The following CDH23 variants were observed in gnomAD, a reference collection of about 807,000 sequenced individuals.
CDH23 encodes cadherin related 23, also known as cadherin-23.
A neutral mutation model predicts 317.1 loss-of-function variants in CDH23; 189 were observed. That is an observed-to-expected ratio of 0.60 (90% CI 0.53 to 0.67). CDH23 has a LOEUF of 0.67. Ranked by LOEUF, CDH23 falls within the 30% of genes least tolerant of loss-of-function variation. The pLI, the probability that CDH23 is intolerant of heterozygous loss-of-function variation, is 0.00. For missense variants in CDH23, 4,401 were observed against 4,592.4 expected (o/e 0.96, Z 1.20); for synonymous variants, 1,839 against 1,876.8 (o/e 0.98, Z 0.52).
At chr10:71,444,580 A>G (rs1373247349) in intron 2 of CDH23, among the ~76,000 whole-genome samples, 1 of 152,202 alleles carries the variant, frequency 6.6e-6, no homozygotes, top group African/African-American at 2.4e-5. Context: ...CCTGGCCAGT[A>G]AGTGAGAGAG....
intron 3 of CDH23, among the ~76,000 whole-genome samples, chr10:71,481,903 G>A (rs1852087243): frequency 6.6e-6 from 1 of 152,186 alleles, no homozygotes; most frequent in Non-Finnish European, 1.5e-5. Flanking sequence ...CCACAGCAGC[G>A]GGCTTGTGTG....
At chr10:71,583,417 A>G (rs1394291294) in intron 9 of CDH23, among the ~76,000 whole-genome samples, 2 of 152,040 alleles carry the variant, frequency 1.3e-5, no homozygotes, top group Non-Finnish European at 2.9e-5. Context: ...TGGGAAGCCC[A>G]CTGTGGTCAA....
At chr10:71,729,213 G>T (rs982734977) in intron 30 of CDH23, among the ~76,000 whole-genome samples, 1 of 152,216 alleles carries the variant, frequency 6.6e-6, no homozygotes, top group Non-Finnish European at 1.5e-5. Context: ...GTGCTGGTAA[G>T]CGGTGAGGAA....
intron 6 of CDH23, among the ~76,000 whole-genome samples, chr10:71,536,749 A>G (rs114700459): frequency 0.04 from 6,094 of 152,176 alleles, 393 homozygotes; most frequent in African/African-American, 0.14. Flanking sequence ...TGATGGGGAA[A>G]GGTCTTCAGG....
rs746323558 is a variant in CDH23, at chr10:71,784,924, G to C, written c.5536G>C (p.Asp1846His). The change falls in exon 43 of 70, where the codon GAC becomes CAC. Residue 1846 changes from aspartate (D) to histidine (H), a missense_variant. Physicochemically the swap from Asp to His is moderately conservative, Grantham distance 81 (BLOSUM62 -1). Around this residue, in one of 3 missense-constraint regions of CDH23, gnomAD observed 3,068 missense variants for 3,203.3 expected, o/e 0.96. Transcript: ENST00000224721. ...GGGGATCCGGGTGCTGGACATCAAC[G>C]ACAACGACCCTGTGCTGCTGAACCT... ...LVGIRVLDIN[D>H]NDPVLLNLPM... is the part of the protein sequence containing the mutation. The C allele has an allele frequency of 6.2e-7, 1 of 1,613,990 alleles. No homozygotes were observed. The highest frequency in any genetic ancestry group is 8.5e-7 in the Non-Finnish European group (1 of 1,179,908).
chr10:71,690,578 C>T lies in CDH23; in HGVS notation c.2170C>T (p.Arg724Cys), dbSNP rs769571318. Residue 724 changes from arginine (R) to cysteine (C), a missense_variant, in exon 20 of 70, where the codon CGC becomes TGC. Around this residue, in one of 3 missense-constraint regions of CDH23, gnomAD observed 3,068 missense variants for 3,203.3 expected, o/e 0.96. Transcript: ENST00000224721. ...EGSTQFRINA[R>C]SGEITTTSLL... ...CTCCACCCAGTTTCGGATCAATGCC[C>T]GCTCAGGTGAGCCCCCCCACCCCAA... 15 of 1,593,740 alleles carry T rather than the reference C, an allele frequency of 9.4e-6. No homozygotes were observed. The highest frequency in any genetic ancestry group is 1.3e-5 in the Non-Finnish European group (15 of 1,169,322).
chr10:71,706,491 G>A (rs1227068), intron 25 of CDH23, among the ~76,000 whole-genome samples: 2,549 of 152,290 alleles, frequency 0.017, 28 homozygotes, highest in Non-Finnish European at 0.026. Context: ...ATGTGGTCCT[G>A]TATGGGAAGC....
intron 9 of CDH23, 47 bp from the exon 10 acceptor site, chr10:71,615,457 C>T (rs1861128047): frequency 7.1e-7 from 1 of 1,411,260 alleles, no homozygotes; most frequent in Non-Finnish European, 1.0e-6. Flanking sequence ...GCTCCATGCC[C>T]CCCTGCCCTG....
Position 71,439,838 on chromosome 10 carries a change from C to A in CDH23, c.7C>A (p.Arg3Ser). The A allele has an allele frequency of 6.4e-7, 1 of 1,565,332 alleles. No individual in the cohort carries two copies. The highest frequency in any genetic ancestry group is 8.7e-7 in the Non-Finnish European group (1 of 1,154,004). The change falls in exon 2 of 70, where the codon CGC (arginine) becomes AGC (serine). Residue 3 changes from arginine (R) to serine (S), a missense_variant. Around this residue, in one of 3 missense-constraint regions of CDH23, gnomAD observed 3,068 missense variants for 3,203.3 expected, o/e 0.96. Transcript: ENST00000224721. ...CTTTGTGTCCCCAGGAGCCATGGGG[C>A]GCCATGTTGCCACCAGCTGCCACGT... MGRHVATSCHVAW... is the reference protein window; with the variant it reads MGSHVATSCHVAW...
chr10:71,638,106 A>G (rs1162257509), intron 11 of CDH23, among the ~76,000 whole-genome samples: 1 of 152,124 alleles, frequency 6.6e-6, no homozygotes, highest in African/African-American at 2.4e-5. Context: ...GGGAGCAGAG[A>G]AATGATACTG....
chr10:71,581,097 C>T (rs572482971), intron 9 of CDH23, among the ~76,000 whole-genome samples: 34 of 152,338 alleles, frequency 2.2e-4, no homozygotes, highest in African/African-American at 7.5e-4. Flanking sequence ...GGTCACAGCC[C>T]TCTCCTGGGT....
At chr10:71,809,327 C>T (rs1841841513) in intron 60 of CDH23, among the ~76,000 whole-genome samples, 1 of 151,976 alleles carries the variant, frequency 6.6e-6, no homozygotes, top group African/African-American at 2.4e-5. Flanking sequence ...TAGGTGCATG[C>T]ACCACCATGC....
chr10:71,763,180 T>G (rs1250960894), intron 38 of CDH23, among the ~76,000 whole-genome samples: 3 of 152,218 alleles, frequency 2.0e-5, no homozygotes, highest in African/African-American at 7.2e-5. Context: ...TTTTATTTAT[T>G]TATTTGTTTT....
At chr10:71,597,866 A>G (rs1455801083) in intron 9 of CDH23, among the ~76,000 whole-genome samples, 1 of 152,158 alleles carries the variant, frequency 6.6e-6, no homozygotes, top group African/African-American at 2.4e-5. Flanking sequence ...CTCTCTTCTA[A>G]CAGAGTGTGT....
chr10:71,779,000 A>G (rs183057345), intron 40 of CDH23, among the ~76,000 whole-genome samples: 82 of 152,306 alleles, frequency 5.4e-4, no homozygotes, highest in Non-Finnish European at 1.1e-3. Flanking sequence ...AGCCTCCCAA[A>G]GTGCTGAGAT....
In CDH23 at chr10:71,777,861, C is replaced by T. The variant is rs1840854807; in HGVS notation, c.5027C>T (p.Ala1676Val). ...GGCACAGTCACCTATGCCATCGTCG[C>T]AGGCAACATCGTCAACACCTTCCGC... ...PNGTVTYAIV[A>V]GNIVNTFRID... The change falls in exon 39 of 70, where the codon GCA (alanine) becomes GTA (valine). Residue 1676 changes from alanine to valine, a missense_variant. Ala to Val is a moderately conservative substitution (Grantham distance 64). Around this residue, in one of 3 missense-constraint regions of CDH23, gnomAD observed 3,068 missense variants for 3,203.3 expected, o/e 0.96. Coordinates refer to ENST00000224721, the MANE Select transcript of CDH23 (RefSeq NM_022124.6). 6.2e-7 allele frequency: 1 copy of T among 1,613,846 alleles called. No individual in the cohort carries two copies. The highest frequency in any genetic ancestry group is 8.5e-7 in the Non-Finnish European group (1 of 1,179,906).
chr10:71,538,701 C>G (rs1258285569), intron 6 of CDH23, among the ~76,000 whole-genome samples: 1 of 152,186 alleles, frequency 6.6e-6, no homozygotes, highest in Non-Finnish European at 1.5e-5. Flanking sequence ...GTGCAACAAA[C>G]TCGCAGGAGT....
chr10:71,432,268 GT>G, intron 1 of CDH23, among the ~76,000 whole-genome samples: 1 of 145,688 alleles, frequency 6.9e-6, no homozygotes, highest in Non-Finnish European at 1.5e-5. Context: ...GAGTGTGTGT[GT>G]GCATGAGTGT....
chr10:71,533,877 A>G (rs1361204555), intron 6 of CDH23, among the ~76,000 whole-genome samples: 1 of 152,058 alleles, frequency 6.6e-6, no homozygotes, highest in Non-Finnish European at 1.5e-5. Flanking sequence ...ACTCTGTTCT[A>G]GGAAAGAGAT....
Sources: allele counts gnomAD v4.1 joint callset (sites outside exome capture counted in the v4.1 genomes callset), GRCh38; gene constraint gnomAD v4.1.1; regional missense constraint gnomAD v4.1.1; transcripts MANE v1.5; gene names NCBI Gene and HGNC (gene_info 2026-07-23, HGNC 2026-07-21).